The following NBEA variants were observed in gnomAD, a reference collection of about 807,000 sequenced individuals.
NBEA encodes the protein lysosomal-trafficking regulator 2.
In NBEA, 44 loss-of-function variants were observed where a neutral mutation model predicts 343.4. The observed-to-expected ratio is 0.13, with a 90% confidence interval of 0.10 to 0.16. The LOEUF is 0.16. Ranked by LOEUF, NBEA falls within the 10% of genes least tolerant of loss-of-function variation. The pLI, the probability that NBEA is intolerant of heterozygous loss-of-function variation, is 1.00. For synonymous variants in NBEA, 1,175 were observed against 1,238.7 expected (o/e 0.95, Z 1.08); for missense variants, 2,555 against 3,631.3 (o/e 0.70, Z 7.62).
At chr13:35,476,681 G>A in intron 41 of NBEA, 2 of 850,350 alleles carry the variant, frequency 2.4e-6, no homozygotes, top group Non-Finnish European at 3.1e-6. Context: ...AGCTGCTGTT[G>A]GTTTGTCTAA....
In NBEA at chr13:35,584,093, GTAAAT is replaced by G. The variant is rs556071094; in HGVS notation, c.7176+61_7176+65del. On this transcript the variant is annotated intron_variant, in intron 46 of 58. Coordinates refer to ENST00000379939, the MANE Select transcript of NBEA (RefSeq NM_001385012.1). ...TTGGTACCTTAAAATTTTAACATAAGTAAATTAAATAAAAATCAAATCAGTTGTAA... is the reference window on the plus strand; with the variant it reads ...TTGGTACCTTAAAATTTTAACATAAGTAAATAAAAATCAAATCAGTTGTAA... 3.7e-4 allele frequency: 543 copies of G among 1,456,454 alleles called. 2 individuals are homozygous for G. In the African/African-American group the frequency reaches 6.6e-3, roughly 18 times the overall value. The allele number at this position is 1,456,454 out of a possible 1,614,324, so 90.2% of individuals were successfully genotyped here. A position where few individuals can be genotyped will look rare whatever the true frequency, so the allele number is the denominator to read the frequency against.
At chr13:35,324,241 G>A (rs944062185) in intron 36 of NBEA, among the ~76,000 whole-genome samples, 1 of 152,176 alleles carries the variant, frequency 6.6e-6, no homozygotes, top group Non-Finnish European at 1.5e-5. Context: ...AAGAATACAG[G>A]CATGACCTGT....
chr13:35,250,502 T>C (rs2031828895), intron 34 of NBEA, among the ~76,000 whole-genome samples: 1 of 152,192 alleles, frequency 6.6e-6, no homozygotes, highest in African/African-American at 2.4e-5. Flanking sequence ...TCCCATCCAA[T>C]AAGTATAAAA....
At chr13:35,464,417 T>C (rs2047064402) in intron 40 of NBEA, among the ~76,000 whole-genome samples, 1 of 152,186 alleles carries the variant, frequency 6.6e-6, no homozygotes, top group African/African-American at 2.4e-5. Flanking sequence ...TTGTCCAAAT[T>C]TCTACCCATC....
At chr13:35,226,038 T>A (rs1463638251) in intron 33 of NBEA, among the ~76,000 whole-genome samples, 1 of 152,202 alleles carries the variant, frequency 6.6e-6, no homozygotes, top group African/African-American at 2.4e-5. Context: ...AAATGCTCAT[T>A]AACTGCTATT....
At chr13:35,113,807 G>A (rs1165462633) in intron 13 of NBEA, among the ~76,000 whole-genome samples, 1 of 152,134 alleles carries the variant, frequency 6.6e-6, no homozygotes, top group Non-Finnish European at 1.5e-5. Flanking sequence ...CAGACAGTAT[G>A]TAAACGAATA....
intron 41 of NBEA, 57 bp downstream of exon 41, chr13:35,472,593 T>C (rs575915173): frequency 6.2e-7 from 1 of 1,608,894 alleles, no homozygotes; most frequent in Non-Finnish European, 8.5e-7. Context: ...GAAGTGGTTT[T>C]CAATTTTGTT....
chr13:35,152,500 T>C (rs1479074523), intron 18 of NBEA, among the ~76,000 whole-genome samples: 3 of 152,164 alleles, frequency 2.0e-5, no homozygotes, highest in Admixed American at 6.5e-5. Flanking sequence ...AAGTTGAGCC[T>C]ACTAATACTA....
At chr13:35,620,579 G>T (rs2082938837) in intron 48 of NBEA, among the ~76,000 whole-genome samples, 1 of 152,124 alleles carries the variant, frequency 6.6e-6, no homozygotes, top group Non-Finnish European at 1.5e-5. Flanking sequence ...TTTTTACCCT[G>T]AGTAAAATGT....
chr13:35,071,322 A>G (rs2063861024), intron 10 of NBEA, among the ~76,000 whole-genome samples: 3 of 152,038 alleles, frequency 2.0e-5, no homozygotes, highest in Admixed American at 6.6e-5. Flanking sequence ...CTAGCATAAT[A>G]TTAATTGACA....
chr13:35,058,675 C>A (rs1252576669), intron 7 of NBEA, 42 bp from the exon 8 acceptor site: 2 of 1,484,746 alleles, frequency 1.3e-6, no homozygotes, highest in South Asian at 1.2e-5. Flanking sequence ...ACCTTTTTGT[C>A]ATTAAAAATA....
chr13:35,564,331 AT>A (rs2080030414), intron 44 of NBEA, among the ~76,000 whole-genome samples: 1 of 152,088 alleles, frequency 6.6e-6, no homozygotes, highest in African/African-American at 2.4e-5. Context: ...TATTAAAAAA[AT>A]ATACACTGGA....
At chr13:34,995,997 C>T (rs2060928446) in intron 1 of NBEA, among the ~76,000 whole-genome samples, 1 of 152,178 alleles carries the variant, frequency 6.6e-6, no homozygotes, top group Non-Finnish European at 1.5e-5. Context: ...TAACTTGTAG[C>T]TGTTGAAGCT....
intron 38 of NBEA, among the ~76,000 whole-genome samples, chr13:35,398,244 A>C (rs556725278): frequency 1.3e-5 from 2 of 152,270 alleles, no homozygotes; most frequent in African/African-American, 4.8e-5. Flanking sequence ...CTATATCTGC[A>C]GTGATTTCCT....
At chr13:35,452,919 T>G (rs2046378303) in intron 40 of NBEA, among the ~76,000 whole-genome samples, 1 of 152,210 alleles carries the variant, frequency 6.6e-6, no homozygotes, top group African/African-American at 2.4e-5. Context: ...CACAATGTCA[T>G]AGTGGTCACT....
intron 11 of NBEA, among the ~76,000 whole-genome samples, chr13:35,102,189 C>T (rs2065679003): frequency 6.6e-6 from 1 of 151,340 alleles, no homozygotes; most frequent in Non-Finnish European, 1.5e-5. Flanking sequence ...CTAGCTGGCC[C>T]AGTACCATTT....
intron 1 of NBEA, among the ~76,000 whole-genome samples, chr13:34,995,027 G>A (rs1316009642): frequency 2.6e-5 from 4 of 152,236 alleles, no homozygotes; most frequent in African/African-American, 9.6e-5. Flanking sequence ...AGCTTGTTGG[G>A]TGGTTGGGAC....
chr13:35,311,174 A>G (rs2037336618), intron 36 of NBEA, among the ~76,000 whole-genome samples: 2 of 152,132 alleles, frequency 1.3e-5, no homozygotes, highest in Non-Finnish European at 2.9e-5. Context: ...TCACTGTGAT[A>G]AGAGTTACTA....
At chr13:35,602,229 T>A (rs2082085953) in intron 47 of NBEA, among the ~76,000 whole-genome samples, 1 of 152,226 alleles carries the variant, frequency 6.6e-6, no homozygotes, top group Non-Finnish European at 1.5e-5. Flanking sequence ...ACAACAAATC[T>A]TTTCAATAAT....
Sources: gnomAD v4.1 joint callset for allele counts (sites outside exome capture counted in the v4.1 genomes callset) on GRCh38, gnomAD v4.1.1 for gene constraint, MANE v1.5 for transcripts, NCBI Gene and HGNC (gene_info 2026-07-23, HGNC 2026-07-21) for gene names.